The following WWOX variants were observed in gnomAD, a reference collection of about 807,000 sequenced individuals.
WWOX encodes the protein WW domain-containing oxidoreductase.
A neutral mutation model predicts 46.2 loss-of-function variants in WWOX; 69 were observed. The ratio of observed to expected loss-of-function variants is 1.49; its 90% CI spans 1.23 to 1.82. The LOEUF is 1.82. WWOX is among the 40% of genes most tolerant of loss of function. The pLI is 0.00. For synonymous variants in WWOX, 359 were observed against 202.6 expected (o/e 1.77, Z -6.56); for missense variants, 919 against 542.6 (o/e 1.69, Z -6.89).
rs117853207 is a variant in WWOX, at chr16:78,643,591, T to G, written c.1056+210839T>G. Among the ~76,000 whole-genome samples, 1,509 of 152,210 alleles carry G rather than the reference T, an allele frequency of 9.9e-3. 11 individuals carry two copies. Among genetic ancestry groups the G allele is most frequent in the Non-Finnish European group, 0.018 (1,207 of 68,006 alleles). ...TCCAGCCCCCTGTAGGAGAGGGAGGTTAATCAGCCACGCGCTGAATCTGCT... is the reference window on the plus strand; with the variant it reads ...TCCAGCCCCCTGTAGGAGAGGGAGGGTAATCAGCCACGCGCTGAATCTGCT... On this transcript the variant is annotated intron_variant, in intron 8 of 8. Transcript: ENST00000566780.
rs551296141 is a variant in WWOX at position 78,609,565 on chromosome 16, C to G, written c.1056+176813C>G. Reference sequence around the variant, plus strand: ...TTTCTTTTTTTTTCTTTTTCCCAGACTCCTCATACCCCTCCTAGGAGACAG... The same window carrying G: ...TTTCTTTTTTTTTCTTTTTCCCAGAGTCCTCATACCCCTCCTAGGAGACAG... On this transcript the variant is annotated intron_variant, in intron 8 of 8. Transcript: ENST00000566780. Among the ~76,000 whole-genome samples, 12 of 149,472 alleles carry G rather than the reference C, an allele frequency of 8.0e-5. No homozygotes were observed. The South Asian group carries it at 1.3e-3, about 16-fold the overall frequency.
intron 8 of WWOX, among the ~76,000 whole-genome samples, chr16:78,456,943 T>C (rs987756492): frequency 2.0e-5 from 3 of 152,212 alleles, no homozygotes; most frequent in African/African-American, 4.8e-5. Flanking sequence ...CTTGCATTGT[T>C]TGAAGAGGGA....
chr16:78,938,118 T>C (rs545599446), intron 8 of WWOX, among the ~76,000 whole-genome samples: 3 of 152,260 alleles, frequency 2.0e-5, no homozygotes, highest in East Asian at 3.9e-4. Flanking sequence ...TTATTTTTCA[T>C]CTCCTCACAT....
intron 8 of WWOX, among the ~76,000 whole-genome samples, chr16:79,055,631 A>G (rs575262658): frequency 2.6e-5 from 4 of 152,180 alleles, no homozygotes; most frequent in East Asian, 3.9e-4. Flanking sequence ...AACAATTGCT[A>G]TTTTTTAAAG....
chr16:78,416,229 T>A (rs377408332), intron 6 of WWOX, among the ~76,000 whole-genome samples: 4 of 152,240 alleles, frequency 2.6e-5, no homozygotes, highest in Non-Finnish European at 5.9e-5. Context: ...CTGTAAATAT[T>A]CATCATCTCA....
At chr16:78,821,882 TA>T (rs1040400758) in intron 8 of WWOX, among the ~76,000 whole-genome samples, 3 of 152,122 alleles carry the variant, frequency 2.0e-5, no homozygotes, top group Non-Finnish European at 4.4e-5. Context: ...AATATTAAAA[TA>T]AACTTTTTTT....
At chr16:79,016,646 C>G (rs1245290302) in intron 8 of WWOX, 1 of 149,638 alleles carries the variant, frequency 6.7e-6, no homozygotes, top group Non-Finnish European at 1.5e-5. Flanking sequence ...TGGTCTCAAA[C>G]TCCTGACATC....
intron 8 of WWOX, among the ~76,000 whole-genome samples, chr16:78,847,228 T>G (rs1001792908): frequency 6.6e-6 from 1 of 152,172 alleles, no homozygotes; most frequent in Non-Finnish European, 1.5e-5. Flanking sequence ...ACTGCTGGAG[T>G]GTCATTGCTT....
chr16:79,176,545 A>T (rs1295931376), intron 8 of WWOX, among the ~76,000 whole-genome samples: 1 of 152,148 alleles, frequency 6.6e-6, no homozygotes, highest in Non-Finnish European at 1.5e-5. Flanking sequence ...TCTGGTATAA[A>T]CTTGAGTCTT....
intron 8 of WWOX, among the ~76,000 whole-genome samples, chr16:78,737,435 C>A (rs147506611): frequency 1.2e-3 from 188 of 152,036 alleles, no homozygotes; most frequent in African/African-American, 4.4e-3. Flanking sequence ...CAATGCCCAG[C>A]CTTATATATG....
chr16:79,027,366 A>G (rs1199543461), intron 8 of WWOX, among the ~76,000 whole-genome samples: 1 of 151,634 alleles, frequency 6.6e-6, no homozygotes, highest in African/African-American at 2.4e-5. Context: ...CAAAATGAAA[A>G]TTCTTCATTG....
At chr16:78,256,158 A>C (rs2038126006) in intron 5 of WWOX, among the ~76,000 whole-genome samples, 1 of 150,778 alleles carries the variant, frequency 6.6e-6, no homozygotes, top group Non-Finnish European at 1.5e-5. Flanking sequence ...TCAAAAAAAA[A>C]AAAAAAAAAA....
chr16:78,650,954 C>T (rs939518464), intron 8 of WWOX, among the ~76,000 whole-genome samples: 14 of 152,186 alleles, frequency 9.2e-5, no homozygotes, highest in African/African-American at 3.1e-4. Flanking sequence ...AAAACCTTAT[C>T]GTAATGTGAT....
chr16:78,445,030 A>T (rs752443913), intron 8 of WWOX, among the ~76,000 whole-genome samples: 147 of 151,464 alleles, frequency 9.7e-4, no homozygotes, highest in Non-Finnish European at 1.4e-3. Flanking sequence ...CTGCACTAAA[A>T]CTTGTTGCTG....
intron 8 of WWOX, among the ~76,000 whole-genome samples, chr16:79,190,434 A>G (rs1031527609): frequency 1.3e-5 from 2 of 152,152 alleles, no homozygotes; most frequent in Non-Finnish European, 2.9e-5. Context: ...GGACTTTGGA[A>G]TATTCGTAGG....
In WWOX at chr16:78,275,976, C is replaced by A. The variant is rs1269803937; in HGVS notation, c.517-110884C>A. Among the ~76,000 whole-genome samples the A allele has an allele frequency of 2.6e-5, 4 of 152,094 alleles. No individual in the cohort carries two copies. The East Asian group carries it at 7.7e-4, about 29-fold the overall frequency. ...ATCTGCTGCCCAGCATCAGCCTTAG[C>A]CCAGACCCCCAAACTTCCTGGGCTT... On this transcript the variant is annotated intron_variant, in intron 5 of 8. Transcript: ENST00000566780.
At chr16:79,030,526 C>T (rs1002138080) in intron 8 of WWOX, among the ~76,000 whole-genome samples, 1 of 152,172 alleles carries the variant, frequency 6.6e-6, no homozygotes, top group African/African-American at 2.4e-5. Context: ...TGACACCAGA[C>T]CAGGCGTGAT....
At chr16:78,391,716 T>C (rs1006550259) in intron 6 of WWOX, among the ~76,000 whole-genome samples, 2 of 152,104 alleles carry the variant, frequency 1.3e-5, no homozygotes, top group Admixed American at 6.6e-5. Flanking sequence ...GGCATGGTGA[T>C]GCATACCTGA....
chr16:79,186,596 A>G (rs1456170747), intron 8 of WWOX, among the ~76,000 whole-genome samples: 2 of 152,202 alleles, frequency 1.3e-5, no homozygotes, highest in Non-Finnish European at 2.9e-5. Flanking sequence ...TCTATTTCCA[A>G]GTAACGTCAC....
Sources: allele counts gnomAD v4.1 joint callset (sites outside exome capture counted in the v4.1 genomes callset), GRCh38; gene constraint gnomAD v4.1.1; transcripts MANE v1.5; gene names NCBI Gene and HGNC (gene_info 2026-07-23, HGNC 2026-07-21).